The following MTA3 variants were observed in gnomAD, a reference collection of about 807,000 sequenced individuals.
MTA3 encodes metastasis associated 1 family member 3, also known as metastasis-associated protein MTA3.
In MTA3, 34 loss-of-function variants were observed where a neutral mutation model predicts 83.5. The ratio of observed to expected loss-of-function variants is 0.41; its 90% CI spans 0.31 to 0.54. MTA3 has a LOEUF of 0.54. MTA3 is among the 20% of genes least tolerant of loss of function. MTA3 has a pLI of 0.33. For missense variants in MTA3, 761 were observed against 726.4 expected (o/e 1.05, Z -0.55); for synonymous variants, 303 against 252.7 (o/e 1.20, Z -1.89).
intron 6 of MTA3, 70 bp from the exon 7 acceptor site, chr2:42,656,130 G>A: frequency 1.8e-6 from 2 of 1,134,224 alleles, no homozygotes; most frequent in Non-Finnish European, 2.6e-6. Flanking sequence ...TATGGTGACA[G>A]TTGTCATCAG....
intron 3 of MTA3, among the ~76,000 whole-genome samples, chr2:42,580,879 C>G (rs1188192162): frequency 6.6e-6 from 1 of 151,992 alleles, no homozygotes; most frequent in East Asian, 1.9e-4. Flanking sequence ...GTGAACCACC[C>G]CACCCGGCCA....
intron 14 of MTA3, among the ~76,000 whole-genome samples, chr2:42,713,876 C>G (rs1470802390): frequency 6.6e-6 from 1 of 152,102 alleles, no homozygotes; most frequent in Non-Finnish European, 1.5e-5. Flanking sequence ...AACAAATATC[C>G]TTATGCAGAT....
intron 2 of MTA3, among the ~76,000 whole-genome samples, chr2:42,515,087 C>T (rs1168207336): frequency 1.3e-5 from 2 of 151,920 alleles, no homozygotes; most frequent in African/African-American, 2.4e-5. Flanking sequence ...GACAGAGTCT[C>T]GCTCTGTTGT....
intron 6 of MTA3, among the ~76,000 whole-genome samples, chr2:42,648,837 A>T (rs544045121): frequency 6.6e-6 from 1 of 152,222 alleles, no homozygotes; most frequent in Non-Finnish European, 1.5e-5. Context: ...AAAGTATGTT[A>T]TGAAAACCTT....
At chr2:42,688,952 C>A (rs961156377) in intron 9 of MTA3, among the ~76,000 whole-genome samples, 2 of 152,016 alleles carry the variant, frequency 1.3e-5, no homozygotes, top group Non-Finnish European at 2.9e-5. Flanking sequence ...CATGTGAGAT[C>A]AACTGTAATT....
intron 12 of MTA3, among the ~76,000 whole-genome samples, chr2:42,704,524 T>G (rs1273285739): frequency 6.6e-6 from 1 of 152,240 alleles, no homozygotes; most frequent in African/African-American, 2.4e-5. Context: ...CACACTCAAG[T>G]TAGGCATTGG....
intron 4 of MTA3, among the ~76,000 whole-genome samples, chr2:42,617,023 A>C (rs1012219549): frequency 1.3e-5 from 2 of 152,228 alleles, no homozygotes; most frequent in African/African-American, 4.8e-5. Flanking sequence ...CTAGACAGAG[A>C]ATAGGAAAGC....
chr2:42,667,621 AAGAGAGAGAGAGAGAG>A (rs70963342), intron 8 of MTA3, among the ~76,000 whole-genome samples: 22 of 114,150 alleles, frequency 1.9e-4, no homozygotes, highest in African/African-American at 3.2e-4. Context: ...TAGAGAGAGA[AAGAGAGAGAGAGAGAG>A]AGAGAGAGAG....
At chr2:42,664,460 G>C (rs2178365) in intron 8 of MTA3, among the ~76,000 whole-genome samples, 101,019 of 119,318 alleles carry the variant, frequency 0.85, 43,438 homozygotes, top group East Asian at 1. Flanking sequence ...CCCTCACCCC[G>C]CTTACCTTTT....
intron 2 of MTA3, among the ~76,000 whole-genome samples, chr2:42,499,445 C>T (rs1011884414): frequency 6.6e-6 from 1 of 150,432 alleles, no homozygotes; most frequent in Non-Finnish European, 1.5e-5. Context: ...GGATTACAGG[C>T]GTGAGCCACC....
At chr2:42,518,993 A>G in intron 2 of MTA3, among the ~76,000 whole-genome samples, 1 of 134,888 alleles carries the variant, frequency 7.4e-6, no homozygotes, top group African/African-American at 2.7e-5. Flanking sequence ...ACACACACAC[A>G]CACACACACA....
intron 4 of MTA3, among the ~76,000 whole-genome samples, chr2:42,619,394 CAG>C (rs1685279432): frequency 6.6e-6 from 1 of 152,164 alleles, no homozygotes; most frequent in Admixed American, 6.6e-5. Context: ...CAGTTTTACT[CAG>C]TGTGTATGTG....
In MTA3 at chr2:42,682,544, A is replaced by G. The variant is rs576950544; in HGVS notation, c.846A>G (p.Ala282=). 3 of 1,612,826 alleles carry G rather than the reference A, an allele frequency of 1.9e-6. No homozygotes were observed. The highest frequency in any genetic ancestry group is 2.5e-6 in the Non-Finnish European group (3 of 1,179,418). ...CTGAAGCTAGCTTATTTGAAGAGGC[A>G]CTGGAAAAATATGGCAAAGACTTCA... is the stretch of plus-strand genomic sequence containing the variant. ...SASEASLFEE[A]LEKYGKDFND... Residue 282 remains alanine (A), a synonymous_variant, in exon 9 of 17, where the codon GCA becomes GCG. Coordinates refer to ENST00000405094, the MANE Select transcript of MTA3 (RefSeq NM_001330442.2).
chr2:42,753,780 T>G lies in MTA3; in HGVS notation c.*381T>G. 9.0e-7 allele frequency: 1 copy of G among 1,111,878 alleles called. No individual in the cohort carries two copies. Among genetic ancestry groups the G allele is most frequent in the Non-Finnish European group, 1.1e-6 (1 of 904,912 alleles). The allele number at this position is 1,111,878 out of a possible 1,614,324, so 68.9% of individuals were successfully genotyped here. ...CAGAGCCGCTGCCACCCTGCATGTG[T>G]CCGCTCAGCTCGGTCTTATGCTGTA... On this transcript the variant is annotated 3_prime_UTR_variant, in exon 17 of 17. Coordinates refer to ENST00000405094, the MANE Select transcript of MTA3 (RefSeq NM_001330442.2).
In MTA3 at chr2:42,643,034, T is replaced by TC. The variant is rs10533235; in HGVS notation, c.382-1081dup. On this transcript the variant is annotated intron_variant, in intron 5 of 16. Transcript: ENST00000405094. ...GCATAAACTGTCACATATTGGTGTC[T>TC]CCCCCCCCCCCCTTTTTTTTTTAAC... 4.9e-3 allele frequency among the ~76,000 whole-genome samples: 601 copies of TC among 123,412 alleles called. 8 individuals are homozygous for TC. The East Asian group carries it at 0.049, about 10-fold the overall frequency. The allele number at this position is 123,412 out of a possible 152,430, so 81.0% of individuals were successfully genotyped here.
intron 3 of MTA3, among the ~76,000 whole-genome samples, chr2:42,597,578 G>T (rs1453054640): frequency 6.6e-6 from 1 of 151,320 alleles, no homozygotes; most frequent in African/African-American, 2.4e-5. Flanking sequence ...TAGAGATGGG[G>T]TTTCACCATG....
At chr2:42,532,113 A>G (rs1332726553) in intron 2 of MTA3, among the ~76,000 whole-genome samples, 1 of 152,240 alleles carries the variant, frequency 6.6e-6, no homozygotes, top group East Asian at 1.9e-4. Context: ...GAGCTTAGCC[A>G]TAATCCAATA....
At chr2:42,578,269 C>T (rs990806601) in intron 2 of MTA3, among the ~76,000 whole-genome samples, 14 of 152,172 alleles carry the variant, frequency 9.2e-5, no homozygotes, top group East Asian at 5.8e-4. Context: ...AATGATTGAC[C>T]TTCTTGAGAG....
intron 14 of MTA3, among the ~76,000 whole-genome samples, chr2:42,715,364 C>CGG (rs1666948474): frequency 6.7e-6 from 1 of 149,652 alleles, no homozygotes; most frequent in Admixed American, 6.6e-5. Context: ...TCTTTTCACT[C>CGG]TAATTTTTTC....
Sources: allele counts gnomAD v4.1 joint callset (sites outside exome capture counted in the v4.1 genomes callset), GRCh38; gene constraint gnomAD v4.1.1; transcripts MANE v1.5; gene names NCBI Gene and HGNC (gene_info 2026-07-23, HGNC 2026-07-21).